Variants in SCHIP1 observed in about 807,000 individuals in gnomAD.
SCHIP1 encodes the protein schwannomin-interacting protein 1.
SCHIP1 carries 8 observed loss-of-function variants against 29.7 expected under a neutral mutation model. The ratio of observed to expected loss-of-function variants is 0.27; its 90% confidence interval spans 0.16 to 0.49. The LOEUF (loss-of-function observed/expected upper bound fraction) is 0.49, where lower values mean the gene tolerates loss of function less well. Among genes scored for constraint, SCHIP1 ranks in the 20% least tolerant of loss-of-function variants. The pLI is 0.99. For synonymous variants in SCHIP1, 76 were observed against 94.9 expected, an observed-to-expected ratio of 0.80 and a Z score of 1.16; for missense variants, 193 against 294.6, an observed-to-expected ratio of 0.66 and a Z score of 2.52.
the SCHIP1 span, among the ~76,000 whole-genome samples, chr3:159,744,923 A>G: frequency 3.3e-5 from 5 of 152,100 alleles, no homozygotes; most frequent in African/African-American, 7.2e-5. Context: ...CGGAGCTTGC[A>G]GTGAGCCGAG....
chr3:159,764,625 G>A, the SCHIP1 span: 14 of 1,607,980 alleles, frequency 8.7e-6, no homozygotes, highest in South Asian at 1.1e-5. The surrounding 1 kb of genome is among the most constrained non-coding windows in gnomAD (Gnocchi z 6.1). Context: ...AGCCCTTCCC[G>A]GTCTACCAGA....
the SCHIP1 span, among the ~76,000 whole-genome samples, chr3:159,512,682 A>G: frequency 1.3e-5 from 2 of 152,226 alleles, no homozygotes; most frequent in Admixed American, 1.3e-4. Flanking sequence ...ACCCTCAAGC[A>G]TTTATCATTT....
At chr3:159,292,361 A>G in the SCHIP1 span, among the ~76,000 whole-genome samples, 1 of 152,286 alleles carries the variant, frequency 6.6e-6, no homozygotes, top group African/African-American at 2.4e-5. Context: ...GAGAAATAAG[A>G]ATGTTGAATT....
chr3:159,890,732 T>C (rs915769875), intron 5 of SCHIP1, among the ~76,000 whole-genome samples: 1 of 152,204 alleles, frequency 6.6e-6, no homozygotes, highest in Non-Finnish European at 1.5e-5. Context: ...ATCTAGTCCT[T>C]TTCAGGAATA....
At chr3:159,395,933 C>G in the SCHIP1 span, among the ~76,000 whole-genome samples, 1 of 152,064 alleles carries the variant, frequency 6.6e-6, no homozygotes, top group Non-Finnish European at 1.5e-5. Flanking sequence ...TAAATTCTCC[C>G]ATTATTAACG....
chr3:159,364,901 CAG>C, the SCHIP1 span, among the ~76,000 whole-genome samples: 14 of 152,136 alleles, frequency 9.2e-5, no homozygotes, highest in African/African-American at 3.4e-4. Flanking sequence ...TGTGTGTGCA[CAG>C]GATTGTTGGG....
the SCHIP1 span, chr3:159,282,687 G>A: frequency 1.4e-5 from 2 of 144,258 alleles, no homozygotes; most frequent in Admixed American, 6.8e-5. Flanking sequence ...CTACTAGTTT[G>A]TAGTAGTTCG....
the SCHIP1 span, among the ~76,000 whole-genome samples, chr3:159,624,563 G>A: frequency 6.6e-6 from 1 of 152,154 alleles, no homozygotes; most frequent in Non-Finnish European, 1.5e-5. Flanking sequence ...TGGGCCTAGA[G>A]GTGTGTGTTT....
chr3:159,464,329 G>A, the SCHIP1 span, among the ~76,000 whole-genome samples: 4 of 152,270 alleles, frequency 2.6e-5, no homozygotes, highest in African/African-American at 4.8e-5. Flanking sequence ...GTGAGCTCTT[G>A]GCCAACAAGT....
At chr3:159,695,036 T>C in the SCHIP1 span, among the ~76,000 whole-genome samples, 18 of 152,314 alleles carry the variant, frequency 1.2e-4, no homozygotes, top group African/African-American at 4.1e-4. Context: ...GTGTTTCCTA[T>C]GGCAAGATTT....
At chr3:159,384,175 C>T in the SCHIP1 span, among the ~76,000 whole-genome samples, 1 of 151,144 alleles carries the variant, frequency 6.6e-6, no homozygotes, top group African/African-American at 2.4e-5. Flanking sequence ...GAGGGCATCC[C>T]TGTCTTGTGC....
the SCHIP1 span, among the ~76,000 whole-genome samples, chr3:159,366,281 T>G: frequency 1.1e-4 from 17 of 150,872 alleles, no homozygotes; most frequent in South Asian, 2.1e-4. Context: ...GCCCAAACCA[T>G]TCATGAGGAA....
the SCHIP1 span, among the ~76,000 whole-genome samples, chr3:159,679,862 A>G: frequency 6.6e-6 from 1 of 152,066 alleles, no homozygotes; most frequent in Non-Finnish European, 1.5e-5. Context: ...CTCATCTGCC[A>G]TTACAACAGA....
chr3:159,370,047 CT>C, the SCHIP1 span, among the ~76,000 whole-genome samples: 2 of 152,132 alleles, frequency 1.3e-5, no homozygotes, highest in Non-Finnish European at 1.5e-5. Flanking sequence ...AAAATTCTTT[CT>C]TGTTTAGGCA....
At chr3:159,555,430 A>G in the SCHIP1 span, among the ~76,000 whole-genome samples, 1 of 152,314 alleles carries the variant, frequency 6.6e-6, no homozygotes, top group Non-Finnish European at 1.5e-5. Context: ...GAAAGCATCT[A>G]CTTCTTAAAA....
the SCHIP1 span, among the ~76,000 whole-genome samples, chr3:159,737,214 C>A: frequency 4.6e-5 from 7 of 152,256 alleles, no homozygotes; most frequent in South Asian, 1.5e-3. Context: ...CATCCTTCTC[C>A]CCTGACTTTA....
At chr3:159,404,835 C>A in the SCHIP1 span, among the ~76,000 whole-genome samples, 1 of 152,130 alleles carries the variant, frequency 6.6e-6, no homozygotes, top group South Asian at 2.1e-4. Context: ...TTGGGTGAGA[C>A]CCAGTGCTGT....
the SCHIP1 span, among the ~76,000 whole-genome samples, chr3:159,794,175 T>C: frequency 7.9e-5 from 12 of 152,302 alleles, no homozygotes; most frequent in South Asian, 2.3e-3. Flanking sequence ...AAGAATAAAA[T>C]TCAAATCCAT....
the SCHIP1 span, among the ~76,000 whole-genome samples, chr3:159,546,539 T>TA: frequency 2.0e-5 from 3 of 151,976 alleles, no homozygotes; most frequent in African/African-American, 7.2e-5. Flanking sequence ...CCTGCATGCA[T>TA]TAGGTTATTT....
Sources: gnomAD v4.1 joint callset for allele counts (sites outside exome capture counted in the v4.1 genomes callset) on GRCh38, gnomAD v4.1.1 for gene constraint, Gnocchi (gnomAD v3.1) non-coding constraint, MANE v1.5 for transcripts, NCBI Gene and HGNC (gene_info 2026-07-23, HGNC 2026-07-21) for gene names.